Variants in CFAP263 observed in about 807,000 individuals in gnomAD.
CFAP263 encodes the protein cilia and flagella associated protein 263.
chr16:58,257,014 CT>C, the CFAP263 span, among the ~76,000 whole-genome samples: 31 of 41,920 alleles, frequency 7.4e-4, 1 homozygote, highest in African/African-American at 2.9e-3. Flanking sequence ...ATATGAATTT[CT>C]TTTTTTTTTT....
the CFAP263 span, among the ~76,000 whole-genome samples, chr16:58,265,963 T>C: frequency 6.6e-6 from 1 of 152,144 alleles, no homozygotes; most frequent in Non-Finnish European, 1.5e-5. Flanking sequence ...CCCACCTGAA[T>C]TGCTGGACTT....
chr16:58,280,838 G>C, the CFAP263 span: 1 of 1,337,658 alleles, frequency 7.5e-7, no homozygotes, highest in East Asian at 2.3e-5. Flanking sequence ...TATACTGTTT[G>C]TTCTAGAAAT....
chr16:58,252,786 T>C, the CFAP263 span: 1 of 1,613,598 alleles, frequency 6.2e-7, no homozygotes, highest in South Asian at 1.1e-5. Context: ...TACGCTAAAC[T>C]GGAGCCCAGG....
the CFAP263 span, chr16:58,279,792 C>T: frequency 7.2e-5 from 115 of 1,589,000 alleles, no homozygotes; most frequent in Admixed American, 2.2e-4. Flanking sequence ...AGGCAGGCCA[C>T]GGCTTACAGA....
the CFAP263 span, among the ~76,000 whole-genome samples, chr16:58,253,270 A>G: frequency 3.3e-5 from 5 of 151,984 alleles, no homozygotes; most frequent in African/African-American, 9.7e-5. Flanking sequence ...AGTTTTAGCT[A>G]CTTGGGAGGC....
chr16:58,278,256 G>C, the CFAP263 span, among the ~76,000 whole-genome samples: 1 of 128,300 alleles, frequency 7.8e-6, no homozygotes, highest in Non-Finnish European at 1.7e-5. Context: ...AGGAATGAAA[G>C]AAACAAGACT....
chr16:58,252,861 A>G, the CFAP263 span: 72 of 1,613,182 alleles, frequency 4.5e-5, no homozygotes, highest in Admixed American at 8.3e-5. Context: ...CAGGTACACA[A>G]TGGAGATCTA....
the CFAP263 span, among the ~76,000 whole-genome samples, chr16:58,259,597 C>A: frequency 1.3e-5 from 2 of 152,180 alleles, no homozygotes; most frequent in African/African-American, 4.8e-5. Flanking sequence ...AAGGCCCCTA[C>A]AGTAGCATAC....
At chr16:58,262,599 C>A in the CFAP263 span, 3 of 1,473,874 alleles carry the variant, frequency 2.0e-6, no homozygotes, top group South Asian at 2.7e-5. Flanking sequence ...ACCTTTCTGG[C>A]CACAGGGAGG....
At chr16:58,262,384 G>C in the CFAP263 span, 1 of 1,604,168 alleles carries the variant, frequency 6.2e-7, no homozygotes, top group Non-Finnish European at 8.5e-7. Flanking sequence ...CTGAGCTGTA[G>C]AAGGAAGAGG....
At chr16:58,266,930 AT>A in the CFAP263 span, among the ~76,000 whole-genome samples, 8 of 152,168 alleles carry the variant, frequency 5.3e-5, no homozygotes, top group Non-Finnish European at 1.0e-4. Flanking sequence ...TATGGGCTCA[AT>A]TCCCGGCTCC....
chr16:58,278,610 G>A, the CFAP263 span: 1 of 1,614,216 alleles, frequency 6.2e-7, no homozygotes. Flanking sequence ...GCATCAGGAT[G>A]TGGGAAAGGA....
chr16:58,258,308 G>A, the CFAP263 span: 2 of 1,519,812 alleles, frequency 1.3e-6, no homozygotes, highest in Non-Finnish European at 1.8e-6. Flanking sequence ...GGTTTTCTTA[G>A]AAGACACATC....
At chr16:58,252,216 A>G in the CFAP263 span, among the ~76,000 whole-genome samples, 1 of 152,172 alleles carries the variant, frequency 6.6e-6, no homozygotes, top group Admixed American at 6.5e-5. Flanking sequence ...AAAAAAAATT[A>G]TAAATTAGCC....
the CFAP263 span, among the ~76,000 whole-genome samples, chr16:58,276,818 A>T: frequency 6.6e-6 from 1 of 152,280 alleles, no homozygotes; most frequent in Non-Finnish European, 1.5e-5. Context: ...CAGCTTAAAA[A>T]GAATGAGTAA....
At chr16:58,256,699 A>T in the CFAP263 span, among the ~76,000 whole-genome samples, 2 of 152,198 alleles carry the variant, frequency 1.3e-5, no homozygotes, top group African/African-American at 4.8e-5. Context: ...TTGATGTTCT[A>T]CCATGTGGAG....
the CFAP263 span, among the ~76,000 whole-genome samples, chr16:58,260,299 CAG>C: frequency 2.0e-5 from 3 of 152,176 alleles, no homozygotes; most frequent in Non-Finnish European, 4.4e-5. Flanking sequence ...GACAAGGAAA[CAG>C]AGTCTCCCCT....
At chr16:58,255,592 T>C in the CFAP263 span, among the ~76,000 whole-genome samples, 3 of 149,858 alleles carry the variant, frequency 2.0e-5, no homozygotes, top group Non-Finnish European at 4.4e-5. Flanking sequence ...TTTTTTGGGA[T>C]GGAGTCTTGC....
At chr16:58,282,217 G>A in the CFAP263 span, 1 of 152,190 alleles carries the variant, frequency 6.6e-6, no homozygotes, top group African/African-American at 2.4e-5. Flanking sequence ...ATGTTGGCCA[G>A]GCTGGTCTCG....
Sources: allele counts gnomAD v4.1 joint callset (sites outside exome capture counted in the v4.1 genomes callset), GRCh38; gene constraint gnomAD v4.1.1; transcripts MANE v1.5; gene names NCBI Gene and HGNC (gene_info 2026-07-23, HGNC 2026-07-21).